ELAVL2: variants seen among roughly 807,000 people sequenced by gnomAD.
ELAVL2 encodes the protein ELAV like RNA binding protein 2.
ELAVL2 carries 4 observed loss-of-function variants against 34.6 expected under a neutral mutation model. The observed-to-expected ratio is 0.12, with a 90% CI of 0.06 to 0.26. The LOEUF (loss-of-function observed/expected upper bound fraction) is 0.26. Ranked by LOEUF, ELAVL2 falls within the 10% of genes least tolerant of loss-of-function variation. The probability of loss-of-function intolerance (pLI) is 1.00; values close to 1 mark genes in which losing one functional copy is unlikely to be tolerated. For synonymous variants in ELAVL2, 193 were observed against 154.8 expected (o/e 1.25, Z -1.83); for missense variants, 432 against 442.8 (o/e 0.98, Z 0.22).
intron 3 of ELAVL2, among the ~76,000 whole-genome samples, chr9:23,710,397 G>A (rs755088173): frequency 3.9e-5 from 6 of 152,142 alleles, no homozygotes; most frequent in East Asian, 1.9e-4. Flanking sequence ...AAATGCTTTC[G>A]TCCAAACACA....
intron 2 of ELAVL2, among the ~76,000 whole-genome samples, chr9:23,736,107 C>A (rs1436740721): frequency 6.6e-6 from 1 of 152,056 alleles, no homozygotes; most frequent in Non-Finnish European, 1.5e-5. Flanking sequence ...TTTATTTAGT[C>A]TTTTCTATTT....
chr9:23,771,537 T>C (rs1390280413), intron 1 of ELAVL2, among the ~76,000 whole-genome samples: 2 of 152,168 alleles, frequency 1.3e-5, no homozygotes, highest in Non-Finnish European at 1.5e-5. Flanking sequence ...ATTCACTTTA[T>C]ATTTGCTACT....
At chr9:23,739,837 A>G (rs1389546757) in intron 2 of ELAVL2, among the ~76,000 whole-genome samples, 2 of 152,094 alleles carry the variant, frequency 1.3e-5, no homozygotes, top group Admixed American at 6.6e-5. Flanking sequence ...AAGAGGCAGT[A>G]CAGCTTCTTA....
At chr9:23,819,778 G>C (rs2064269169) in intron 1 of ELAVL2, among the ~76,000 whole-genome samples, 1 of 152,168 alleles carries the variant, frequency 6.6e-6, no homozygotes, top group Admixed American at 6.5e-5. Context: ...AGGAATCACA[G>C]AAAATTTAAT....
intron 2 of ELAVL2, among the ~76,000 whole-genome samples, chr9:23,733,666 C>T (rs1222287651): frequency 1.3e-5 from 2 of 152,182 alleles, no homozygotes; most frequent in African/African-American, 4.8e-5. Flanking sequence ...GAGATTAGAT[C>T]ACTGGGTAAA....
intron 1 of ELAVL2, among the ~76,000 whole-genome samples, chr9:23,822,805 GGCGACC>G (rs2065002391): frequency 1.3e-5 from 2 of 152,232 alleles, no homozygotes; most frequent in African/African-American, 4.8e-5. Flanking sequence ...CCGAGCAGTG[GGCGACC>G]CAGTCGCCGC....
intron 2 of ELAVL2, among the ~76,000 whole-genome samples, chr9:23,750,574 A>G (rs1002448905): frequency 6.6e-6 from 1 of 152,178 alleles, no homozygotes; most frequent in Non-Finnish European, 1.5e-5. Context: ...GTTTAAAAAG[A>G]GCTAACCTAA....
intron 3 of ELAVL2, among the ~76,000 whole-genome samples, chr9:23,715,659 G>C (rs1360091): frequency 0.99 from 150,093 of 152,324 alleles, 73,956 homozygotes; most frequent in East Asian, 1. Context: ...ATGACATCTC[G>C]AACAGATGCC....
chr9:23,779,229 G>C (rs967519243), intron 1 of ELAVL2: 1 of 985,252 alleles, frequency 1.0e-6, no homozygotes, highest in African/African-American at 1.7e-5. Flanking sequence ...GTAAATAAGA[G>C]GTCTTACTTC....
chr9:23,768,916 G>A (rs1175873961), intron 1 of ELAVL2, among the ~76,000 whole-genome samples: 1 of 152,154 alleles, frequency 6.6e-6, no homozygotes, highest in African/African-American at 2.4e-5. Flanking sequence ...GAAAAGTTTA[G>A]GCAAACAGAA....
At chr9:23,799,262 G>A (rs1275652001) in intron 1 of ELAVL2, among the ~76,000 whole-genome samples, 1 of 152,154 alleles carries the variant, frequency 6.6e-6, no homozygotes, top group Non-Finnish European at 1.5e-5. Context: ...GTCAGGAGTA[G>A]CACCAAACCT....
At chr9:23,786,562 G>C (rs923830137) in intron 1 of ELAVL2, among the ~76,000 whole-genome samples, 1 of 151,998 alleles carries the variant, frequency 6.6e-6, no homozygotes, top group African/African-American at 2.4e-5. Flanking sequence ...TAGAAAGACA[G>C]TTATCCCTTT....
chr9:23,726,156 G>C (rs2045098885), intron 3 of ELAVL2, among the ~76,000 whole-genome samples: 4 of 151,918 alleles, frequency 2.6e-5, no homozygotes, highest in Non-Finnish European at 4.4e-5. Flanking sequence ...TTAACAAAAA[G>C]TTAATGGCAA....
intron 1 of ELAVL2, among the ~76,000 whole-genome samples, chr9:23,806,075 T>G (rs2137864507): frequency 6.6e-6 from 1 of 152,166 alleles, no homozygotes; most frequent in East Asian, 1.9e-4. Context: ...TTTAATAAAG[T>G]CATCTTAAAA....
intron 2 of ELAVL2, among the ~76,000 whole-genome samples, chr9:23,759,633 T>C (rs987772195): frequency 5.3e-5 from 8 of 151,006 alleles, no homozygotes; most frequent in African/African-American, 1.7e-4. Context: ...ACAATGTATA[T>C]AGCATCAAAA....
chr9:23,728,844 G>C (rs1213871723), intron 3 of ELAVL2, among the ~76,000 whole-genome samples: 1 of 152,082 alleles, frequency 6.6e-6, no homozygotes, highest in East Asian at 1.9e-4. Flanking sequence ...ACAAATGTGG[G>C]CCAAATTGAG....
chr9:23,713,393 C>T (rs1186569622), intron 3 of ELAVL2, among the ~76,000 whole-genome samples: 3 of 152,132 alleles, frequency 2.0e-5, no homozygotes, highest in Non-Finnish European at 4.4e-5. Flanking sequence ...TGGCAGTAGG[C>T]TAGCCATTCC....
intron 3 of ELAVL2, among the ~76,000 whole-genome samples, chr9:23,712,580 G>C (rs2041266666): frequency 6.6e-6 from 1 of 152,112 alleles, no homozygotes; most frequent in South Asian, 2.1e-4. Flanking sequence ...TAAGAATCCT[G>C]AGACTAGTAC....
rs1350733261 is a variant in ELAVL2 at position 23,825,962 on chromosome 9, C to T, written c.-172G>A. 1 of 151,928 alleles carries T rather than the reference C, an allele frequency of 6.6e-6. No individual in the cohort carries two copies. Among genetic ancestry groups the T allele is most frequent in the African/African-American group, 2.4e-5 (1 of 41,352 alleles). The allele number at this position is 151,928 out of a possible 1,614,324, so 9.4% of individuals were successfully genotyped here. A position where few individuals can be genotyped will look rare whatever the true frequency, so the allele number is the denominator to read the frequency against. The stretch of plus-strand genomic sequence containing the variant: ...AGAAGCAAATAAAAAGAAACGCTTT[C>T]GACCCCAAAGTCCAATGCTAAAAGA... On this transcript the variant is annotated 5_prime_UTR_variant, in exon 1 of 7. Transcript: ENST00000397312.
Sources: gnomAD v4.1 joint callset for allele counts (sites outside exome capture counted in the v4.1 genomes callset) on GRCh38, gnomAD v4.1.1 for gene constraint, MANE v1.5 for transcripts, NCBI Gene and HGNC (gene_info 2026-07-23, HGNC 2026-07-21) for gene names.